Variants in IGSF10 observed in about 807,000 individuals in gnomAD.
IGSF10 encodes the protein calvaria mechanical force protein 608.
Under a neutral mutation model 128.2 loss-of-function variants are expected in IGSF10, and 126 were observed. That is an observed-to-expected ratio of 0.98 (90% confidence interval 0.85 to 1.14). The LOEUF is 1.14. Ranked by LOEUF, IGSF10 falls within the 50% of genes most tolerant of loss-of-function variation. The probability of loss-of-function intolerance (pLI) is 0.00; values close to 1 mark genes in which losing one functional copy is unlikely to be tolerated. For missense variants in IGSF10, 3,295 were observed against 3,149.8 expected (o/e 1.05, Z -1.10); for synonymous variants, 1,185 against 1,146.2 (o/e 1.03, Z -0.68).
the IGSF10 span, among the ~76,000 whole-genome samples, chr3:151,536,721 T>C: frequency 7.9e-5 from 12 of 152,340 alleles, no homozygotes; most frequent in East Asian, 9.6e-4. Context: ...TTTTGTTTTC[T>C]CTTTACTTTT....
the IGSF10 span, among the ~76,000 whole-genome samples, chr3:151,530,006 A>T: frequency 6.6e-6 from 1 of 151,974 alleles, no homozygotes; most frequent in Non-Finnish European, 1.5e-5. Flanking sequence ...CAGTTTAGAG[A>T]AGAACATAAA....
At chr3:151,571,769 T>C in the IGSF10 span, among the ~76,000 whole-genome samples, 1 of 151,984 alleles carries the variant, frequency 6.6e-6, no homozygotes, top group African/African-American at 2.4e-5. Flanking sequence ...TGAATAGGAG[T>C]GGTGAGAGAG....
chr3:151,499,318 C>G, the IGSF10 span, among the ~76,000 whole-genome samples: 15 of 152,098 alleles, frequency 9.9e-5, no homozygotes, highest in Non-Finnish European at 1.9e-4. Flanking sequence ...ATTGAGAATA[C>G]TTAATTTAGT....
At chr3:151,496,937 GA>G in the IGSF10 span, among the ~76,000 whole-genome samples, 4 of 152,120 alleles carry the variant, frequency 2.6e-5, no homozygotes, top group Non-Finnish European at 5.9e-5. Context: ...CAGTGATGAT[GA>G]GCATTTTTTC....
the IGSF10 span, among the ~76,000 whole-genome samples, chr3:151,466,716 C>T: frequency 1.3e-5 from 2 of 152,024 alleles, no homozygotes; most frequent in African/African-American, 2.4e-5. Context: ...GTAGCTGGGA[C>T]TACAGGCACC....
chr3:151,610,534 C>T, the IGSF10 span, among the ~76,000 whole-genome samples: 1 of 152,022 alleles, frequency 6.6e-6, no homozygotes, highest in Admixed American at 6.6e-5. Context: ...TTTGTAATAA[C>T]AATTGTTTTA....
intron 6 of IGSF10, 21 bp from the exon 7 acceptor site, chr3:151,443,905 T>C: frequency 3.2e-6 from 5 of 1,544,584 alleles, no homozygotes; most frequent in Non-Finnish European, 4.4e-6. Context: ...AAAAAGAAAA[T>C]TATTGCTACG....
At position 151,437,083 on chromosome 3, in the gene IGSF10, A is replaced by G. The variant is rs1434445893; in HGVS notation, c.7478T>C (p.Ile2493Thr). ...TCTGTCATAAGCTGTTGCTTCTTTA[A>G]TGACTAAGGTGCCATTGTCATGCAA... Reference protein sequence around the residue: ...YILHDNGTLVIKEATAYDRGN... With the variant: ...YILHDNGTLVTKEATAYDRGN... Residue 2493 changes from isoleucine (I) to threonine (T), a missense_variant, in exon 8 of 8, where the codon ATT (isoleucine) becomes ACT (threonine). Ile to Thr is a moderately conservative substitution (Grantham distance 89). Transcript: ENST00000282466. 2 of 1,614,062 alleles carry G rather than the reference A, an allele frequency of 1.2e-6. No homozygotes were observed. Among genetic ancestry groups the G allele is most frequent in the South Asian group, 1.1e-5 (1 of 91,088 alleles).
At position 151,445,605 on chromosome 3, in the gene IGSF10, T is replaced by C; in HGVS notation, c.4376A>G (p.His1459Arg). The change falls in exon 6 of 8, where the codon CAC becomes CGC. Residue 1459 changes from histidine (H) to arginine (R), a missense_variant. Physicochemically the swap from His to Arg is conservative, Grantham distance 29. Transcript: ENST00000282466. ...GCTCAAGAATGGTGGTATGGTTGAG[T>C]GTCTAATGATTGCTTTCCTAGTTGT... Reference protein sequence around the residue: ...STTTRKAIIRHSTIPPFLSSS... With the variant: ...STTTRKAIIRRSTIPPFLSSS... The C allele has an allele frequency of 6.2e-7, 1 of 1,614,116 alleles. No homozygotes were observed. The highest frequency in any genetic ancestry group is 1.1e-5 in the South Asian group (1 of 91,082).
the IGSF10 span, among the ~76,000 whole-genome samples, chr3:151,573,712 C>T: frequency 2.0e-5 from 3 of 152,176 alleles, no homozygotes; most frequent in Non-Finnish European, 4.4e-5. Flanking sequence ...TTAATTGGGG[C>T]ATTTAGCCCA....
At chr3:151,516,277 G>C in the IGSF10 span, among the ~76,000 whole-genome samples, 1 of 152,000 alleles carries the variant, frequency 6.6e-6, no homozygotes, top group Non-Finnish European at 1.5e-5. Flanking sequence ...TCCTTGACGT[G>C]AACAGCTTTA....
chr3:151,497,492 G>A, the IGSF10 span, among the ~76,000 whole-genome samples: 2 of 152,118 alleles, frequency 1.3e-5, no homozygotes, highest in Non-Finnish European at 2.9e-5. Flanking sequence ...TTGTAGATAT[G>A]TGGCATTATT....
At chr3:151,600,347 A>G in the IGSF10 span, among the ~76,000 whole-genome samples, 3 of 152,116 alleles carry the variant, frequency 2.0e-5, no homozygotes, top group African/African-American at 7.2e-5. Context: ...CTGCTTACCA[A>G]TTCTCTCCAG....
At chr3:151,499,231 G>A in the IGSF10 span, among the ~76,000 whole-genome samples, 2 of 151,788 alleles carry the variant, frequency 1.3e-5, no homozygotes, top group African/African-American at 4.8e-5. Flanking sequence ...TATTTTATTT[G>A]ACTAAAAAAG....
the IGSF10 span, among the ~76,000 whole-genome samples, chr3:151,515,309 T>G: frequency 6.6e-6 from 1 of 151,734 alleles, no homozygotes; most frequent in African/African-American, 2.4e-5. Flanking sequence ...TGAGTTCATG[T>G]CCTTTGTATG....
At position 151,451,238 on chromosome 3, in the gene IGSF10, A is replaced by G. The variant is rs1293602840; in HGVS notation, c.716-1973T>C. On this transcript the variant is annotated intron_variant, in intron 5 of 7. Coordinates refer to ENST00000282466, the MANE Select transcript of IGSF10 (RefSeq NM_178822.5). ...ACGCTGTTCCTTCTATGTCCCGCACACTTGGTGTCTTTCATCATGACCCAA... is the reference window on the plus strand; with the variant it reads ...ACGCTGTTCCTTCTATGTCCCGCACGCTTGGTGTCTTTCATCATGACCCAA... Among the ~76,000 whole-genome samples the G allele has an allele frequency of 2.0e-5, 3 of 150,392 alleles. No homozygotes were observed. The East Asian group carries it at 5.8e-4, about 29-fold the overall frequency.
At chr3:151,510,238 C>G in the IGSF10 span, among the ~76,000 whole-genome samples, 1 of 152,218 alleles carries the variant, frequency 6.6e-6, no homozygotes, top group Non-Finnish European at 1.5e-5. Flanking sequence ...TAGGGGCGGA[C>G]TGACACCTCA....
chr3:151,527,238 C>T, the IGSF10 span, among the ~76,000 whole-genome samples: 1 of 152,172 alleles, frequency 6.6e-6, no homozygotes, highest in Non-Finnish European at 1.5e-5. Flanking sequence ...CTCACCTAAC[C>T]TAATAGGCCC....
At chr3:151,618,245 C>T in the IGSF10 span, among the ~76,000 whole-genome samples, 7 of 152,078 alleles carry the variant, frequency 4.6e-5, no homozygotes, top group East Asian at 7.7e-4. Flanking sequence ...GTAACTGAAG[C>T]GCTGGCACCT....
Sources: allele counts gnomAD v4.1 joint callset (sites outside exome capture counted in the v4.1 genomes callset), GRCh38; gene constraint gnomAD v4.1.1; transcripts MANE v1.5; gene names NCBI Gene and HGNC (gene_info 2026-07-23, HGNC 2026-07-21).